Variants in ATP8A2 observed in about 807,000 individuals in gnomAD.
ATP8A2 encodes phospholipid-transporting ATPase IB.
A neutral mutation model predicts 165.6 loss-of-function variants in ATP8A2; 100 were observed. The ratio of observed to expected loss-of-function variants is 0.60; its 90% confidence interval spans 0.51 to 0.71. ATP8A2 has a LOEUF of 0.71. ATP8A2 is among the 30% of genes least tolerant of loss of function. The pLI, the probability that ATP8A2 is intolerant of heterozygous loss-of-function variation, is 0.00. For synonymous variants in ATP8A2, 543 were observed against 548.8 expected, an observed-to-expected ratio of 0.99 and a Z score of 0.15; for missense variants, 1,227 against 1,479.5, an observed-to-expected ratio of 0.83 and a Z score of 2.80.
chr13:25,644,841 A>T (rs964476546), intron 24 of ATP8A2, among the ~76,000 whole-genome samples: 1 of 152,098 alleles, frequency 6.6e-6, no homozygotes, highest in Non-Finnish European at 1.5e-5. Context: ...TGGGGAATAT[A>T]ATTTGTTCAT....
intron 21 of ATP8A2, among the ~76,000 whole-genome samples, chr13:25,579,310 T>C (rs1241551802): frequency 6.6e-6 from 1 of 152,158 alleles, no homozygotes; most frequent in Admixed American, 6.5e-5. Context: ...GTGTTCCTGA[T>C]AGCGAATGTC....
At chr13:25,550,298 C>T (rs2038780948) in intron 10 of ATP8A2, among the ~76,000 whole-genome samples, 1 of 152,012 alleles carries the variant, frequency 6.6e-6, no homozygotes, top group Non-Finnish European at 1.5e-5. Context: ...GAGTGAGACT[C>T]CATCTCAAAA....
intron 2 of ATP8A2, among the ~76,000 whole-genome samples, chr13:25,521,148 G>A (rs2037659860): frequency 6.6e-6 from 1 of 152,078 alleles, no homozygotes; most frequent in African/African-American, 2.4e-5. Context: ...TTGGCCATTT[G>A]TATGTCTCTT....
intron 1 of ATP8A2, among the ~76,000 whole-genome samples, chr13:25,409,989 C>T (rs1277454876): frequency 1.7e-5 from 2 of 116,896 alleles, no homozygotes; most frequent in Non-Finnish European, 1.7e-5. Context: ...TTTGTATACA[C>T]AAATATACAT....
At chr13:25,749,379 G>A (rs2044106778) in intron 25 of ATP8A2, among the ~76,000 whole-genome samples, 1 of 152,186 alleles carries the variant, frequency 6.6e-6, no homozygotes. Flanking sequence ...CCGCCAGGAA[G>A]GAGACGACAC....
At chr13:25,540,087 G>A (rs1050499660) in intron 7 of ATP8A2, among the ~76,000 whole-genome samples, 2 of 152,200 alleles carry the variant, frequency 1.3e-5, no homozygotes, top group African/African-American at 4.8e-5. Flanking sequence ...CAGTCATTAT[G>A]TGGGGCTTAC....
chr13:25,837,329 G>A (rs550769561), intron 29 of ATP8A2, 44 bp downstream of exon 29: 1 of 1,606,812 alleles, frequency 6.2e-7, no homozygotes, highest in East Asian at 2.2e-5. Context: ...AGAAAGGCGT[G>A]GCTGTTTGAT....
At chr13:25,419,396 T>C (rs2034231593) in intron 1 of ATP8A2, among the ~76,000 whole-genome samples, 1 of 152,134 alleles carries the variant, frequency 6.6e-6, no homozygotes, top group Non-Finnish European at 1.5e-5. Flanking sequence ...AAAAGGCAGG[T>C]TAATAAGAGA....
intron 24 of ATP8A2, among the ~76,000 whole-genome samples, chr13:25,602,301 G>A (rs1442070155): frequency 6.6e-6 from 1 of 152,170 alleles, no homozygotes; most frequent in African/African-American, 2.4e-5. Context: ...GCAGGATGAG[G>A]AAACAGGGCT....
At chr13:25,488,214 A>C (rs986979147) in intron 2 of ATP8A2, among the ~76,000 whole-genome samples, 6 of 152,140 alleles carry the variant, frequency 3.9e-5, no homozygotes, top group Admixed American at 6.5e-5. Flanking sequence ...TATTATATTT[A>C]AGTATACGAT....
At chr13:25,855,250 CA>C (rs377574904) in intron 30 of ATP8A2, among the ~76,000 whole-genome samples, 2,568 of 111,500 alleles carry the variant, frequency 0.023, 53 homozygotes, top group African/African-American at 0.064. Flanking sequence ...GACTCCATCT[CA>C]AAAAAAAAAA....
intron 34 of ATP8A2, among the ~76,000 whole-genome samples, chr13:25,963,927 T>C (rs1174923296): frequency 1.3e-5 from 2 of 152,244 alleles, no homozygotes; most frequent in Admixed American, 1.3e-4. Flanking sequence ...ATGACACTAC[T>C]CCCAGCTTCA....
chr13:25,873,002 G>GC (rs1890223176), intron 33 of ATP8A2, among the ~76,000 whole-genome samples: 1 of 152,020 alleles, frequency 6.6e-6, no homozygotes, highest in African/African-American at 2.4e-5. Context: ...GTAGCATCTG[G>GC]CCAGTGGCTG....
At position 25,844,739 on chromosome 13, in the gene ATP8A2, G is replaced by A. The variant is rs374692916; in HGVS notation, c.2956+5115G>A. Among the ~76,000 whole-genome samples, 23 of 152,222 alleles carry A rather than the reference G, an allele frequency of 1.5e-4. No individual in the cohort carries two copies. The East Asian group carries it at 3.9e-3, about 26-fold the overall frequency. On this transcript the variant is annotated intron_variant, in intron 30 of 36. Transcript: ENST00000381655. ...GGCCACCCACACCCAGAGCCCCAGA[G>A]GAGTTTTGTTTGACCGGGGGCTGAA...
chr13:25,921,551 A>C (rs1181583351), intron 33 of ATP8A2, among the ~76,000 whole-genome samples: 1 of 149,152 alleles, frequency 6.7e-6, no homozygotes, highest in Non-Finnish European at 1.5e-5. Flanking sequence ...TGAACCTGGG[A>C]GGCGGAGGTT....
chr13:25,496,883 A>G (rs1376120278), intron 2 of ATP8A2, among the ~76,000 whole-genome samples: 1 of 152,098 alleles, frequency 6.6e-6, no homozygotes, highest in East Asian at 1.9e-4. Flanking sequence ...GGAAATCTCA[A>G]TATTATAATC....
In ATP8A2 at chr13:25,570,797, A is replaced by G; in HGVS notation, c.1504A>G (p.Thr502Ala). Residue 502 changes from threonine to alanine, a missense_variant, in exon 17 of 37, where the codon ACC becomes GCC. By Grantham distance (58) the Thr-to-Ala change is moderately conservative (BLOSUM62 0). Around this residue, in one of 5 missense-constraint regions of ATP8A2, gnomAD observed 592 missense variants for 785.6 expected, o/e 0.75. Coordinates refer to ENST00000381655, the MANE Select transcript of ATP8A2 (RefSeq NM_016529.6). ...PTAPCIQEFL[T>A]LLAVCHTVVP... The stretch of plus-strand genomic sequence containing the variant: ...AGCCCCTTGCATTCAGGAGTTCCTC[A>G]CCCTTCTGGCCGTGTGCCACACGGT... The G allele has an allele frequency of 6.2e-7, 1 of 1,613,580 alleles. No homozygotes were observed. Among genetic ancestry groups the G allele is most frequent in the Non-Finnish European group, 8.5e-7 (1 of 1,179,702 alleles).
chr13:25,803,845 A>G (rs1593371891), intron 27 of ATP8A2, among the ~76,000 whole-genome samples: 1 of 152,366 alleles, frequency 6.6e-6, no homozygotes, highest in African/African-American at 2.4e-5. Context: ...AGTACTGAAG[A>G]GGCATCTGAG....
In ATP8A2 at chr13:25,714,985, A is replaced by ATG. The variant is rs1479829294; in HGVS notation, c.2384+15642_2384+15643dup. 3.9e-5 allele frequency among the ~76,000 whole-genome samples: 6 copies of ATG among 152,356 alleles called. No individual in the cohort carries two copies. In the East Asian group the frequency reaches 9.6e-4, roughly 24 times the overall value. On this transcript the variant is annotated intron_variant, in intron 25 of 36. Transcript: ENST00000381655. Reference sequence around the variant, plus strand: ...TTGGACACTAGAAATAGAAAAAAATATGTATGAAGAAGTTTGGATAAATGC... The same window carrying ATG: ...TTGGACACTAGAAATAGAAAAAAATATGTGTATGAAGAAGTTTGGATAAATGC...
Sources: gnomAD v4.1 joint callset for allele counts (sites outside exome capture counted in the v4.1 genomes callset) on GRCh38, gnomAD v4.1.1 for gene constraint, gnomAD v4.1.1 regional missense constraint, MANE v1.5 for transcripts, NCBI Gene and HGNC (gene_info 2026-07-23, HGNC 2026-07-21) for gene names.